The following PDCD2L variants were observed in gnomAD, a reference collection of about 807,000 sequenced individuals.
PDCD2L encodes programmed cell death 2 like, also known as uS5 assembly chaperone PDCD2L.
In PDCD2L, 44 loss-of-function variants were observed where a neutral mutation model predicts 40.4. That is an observed-to-expected ratio of 1.09 (90% confidence interval 0.86 to 1.40). The LOEUF (loss-of-function observed/expected upper bound fraction) is 1.40, where lower values mean the gene tolerates loss of function less well. PDCD2L is among the 40% of genes most tolerant of loss of function. The pLI is 0.00. For missense variants in PDCD2L, 470 were observed against 453.7 expected, an observed-to-expected ratio of 1.04 and a Z score of -0.33; for synonymous variants, 194 against 174.6, an observed-to-expected ratio of 1.11 and a Z score of -0.88.
rs2075090325 is a variant in PDCD2L at position 34,409,168 on chromosome 19, G to A, written c.344G>A (p.Gly115Glu). The A allele has an allele frequency of 6.2e-7, 1 of 1,608,366 alleles. No homozygotes were observed. Among genetic ancestry groups the A allele is most frequent in the South Asian group, 1.1e-5 (1 of 90,966 alleles). ...EREAQDAQKQ[G>E]NSLAAEDWCE... ...CACTGAGTATTTTTCCAGAAACAGG[G>A]AAACAGCCTTGCAGCTGAGGACTGG... The change falls in exon 4 of 7, where the codon GGA (glycine) becomes GAA (glutamate). Residue 115 changes from glycine (G) to glutamate (E), a missense_variant. Physicochemically the swap from Gly to Glu is moderately conservative, Grantham distance 98. Transcript: ENST00000246535.
intron 3 of PDCD2L, among the ~76,000 whole-genome samples, chr19:34,406,211 A>G (rs990357461): frequency 2.6e-5 from 4 of 152,148 alleles, no homozygotes; most frequent in Non-Finnish European, 5.9e-5. Flanking sequence ...TTAACTGTAA[A>G]TTGACAGTTT....
intron 4 of PDCD2L, among the ~76,000 whole-genome samples, chr19:34,410,721 A>G (rs2075098156): frequency 6.6e-6 from 1 of 151,906 alleles, no homozygotes; most frequent in Non-Finnish European, 1.5e-5. Context: ...GTGTTTGAAA[A>G]TAATCCTTAA....
At chr19:34,413,885 A>G (rs756905129) in intron 5 of PDCD2L, 38 bp downstream of exon 5, 1 of 1,260,850 alleles carries the variant, frequency 7.9e-7, no homozygotes, top group East Asian at 2.3e-5. Flanking sequence ...GTTTTCCTTG[A>G]TTATAAAGGA....
rs2075062431 is a variant in PDCD2L at position 34,404,488 on chromosome 19, A to C, written c.58A>C (p.Ser20Arg). ...LGLRDAPVHG[S>R]PTGPGAWTAS... Reference sequence around the variant, plus strand: ...CCTTCGAGATGCGCCGGTGCACGGCAGCCCCACAGGGCCGGGTGCCTGGAC... The same window carrying C: ...CCTTCGAGATGCGCCGGTGCACGGCCGCCCCACAGGGCCGGGTGCCTGGAC... Residue 20 changes from serine to arginine, a missense_variant, in exon 1 of 7, where the codon AGC becomes CGC. Transcript: ENST00000246535. The C allele has an allele frequency of 1.3e-6, 2 of 1,543,540 alleles. No homozygotes were observed. The highest frequency in any genetic ancestry group is 2.7e-5 in the African/African-American group (2 of 73,002).
At chr19:34,405,096 A>G in intron 3 of PDCD2L, 106 bp downstream of exon 3, 4 of 960,758 alleles carry the variant, frequency 4.2e-6, no homozygotes, top group Non-Finnish European at 5.9e-6. Flanking sequence ...AGTACACTGG[A>G]GTGTTTTTTG....
intron 5 of PDCD2L, among the ~76,000 whole-genome samples, chr19:34,414,637 T>C (rs2075119337): frequency 6.6e-6 from 1 of 151,020 alleles, no homozygotes; most frequent in African/African-American, 2.4e-5. Context: ...TACAGGCATG[T>C]ACCACCATGC....
At chr19:34,409,073 G>C (rs2075089777) in intron 3 of PDCD2L, 88 bp from the exon 4 acceptor site, 1 of 1,224,586 alleles carries the variant, frequency 8.2e-7, no homozygotes, top group Non-Finnish European at 1.2e-6. Flanking sequence ...GCTCCCTCTG[G>C]AAGGCGCGGC....
chr19:34,419,430 C>T (rs189733500), intron 5 of PDCD2L, among the ~76,000 whole-genome samples: 10 of 152,210 alleles, frequency 6.6e-5, no homozygotes, highest in Middle Eastern at 3.4e-3. Flanking sequence ...GCTGGGATTA[C>T]AGGCATGAGC....
intron 5 of PDCD2L, among the ~76,000 whole-genome samples, chr19:34,414,773 C>T (rs2075120057): frequency 6.6e-6 from 1 of 151,898 alleles, no homozygotes; most frequent in African/African-American, 2.4e-5. Context: ...GGATTACAGG[C>T]ATGAGCCACT....
chr19:34,422,799 T>C (rs1289323950), intron 6 of PDCD2L, among the ~76,000 whole-genome samples: 1 of 151,860 alleles, frequency 6.6e-6, no homozygotes, highest in Non-Finnish European at 1.5e-5. Flanking sequence ...CACTGCAAGC[T>C]CCGCCTCCCG....
chr19:34,417,607 C>CAA (rs899768526), intron 5 of PDCD2L, among the ~76,000 whole-genome samples: 1 of 107,444 alleles, frequency 9.3e-6, no homozygotes, highest in Non-Finnish European at 1.9e-5. Context: ...GGCTTTGTCT[C>CAA]AAAAAAAAAA....
At chr19:34,410,762 T>TTATATTTATTTATTTATTTATTTATTTA (rs146147218) in intron 4 of PDCD2L, among the ~76,000 whole-genome samples, 4 of 146,322 alleles carry the variant, frequency 2.7e-5, no homozygotes, top group Non-Finnish European at 4.5e-5. Flanking sequence ...ACTTTTTATT[T>TTATATTTATTTATTTATTTATTTATTTA]TTTATTTATT....
intron 5 of PDCD2L, among the ~76,000 whole-genome samples, chr19:34,416,215 C>T (rs563860466): frequency 6.6e-6 from 1 of 152,250 alleles, no homozygotes; most frequent in Admixed American, 6.5e-5. Flanking sequence ...GCCACCATGC[C>T]CGGCCTAAGA....
chr19:34,414,474 CTTTTTTTTTTTT>C (rs35413401), intron 5 of PDCD2L, among the ~76,000 whole-genome samples: 62 of 39,794 alleles, frequency 1.6e-3, no homozygotes, highest in Non-Finnish European at 2.4e-3. Context: ...CCATGCCTGG[CTTTTTTTTTTTT>C]TTTTTTTTTT....
intron 4 of PDCD2L, among the ~76,000 whole-genome samples, chr19:34,411,496 C>T (rs1360051058): frequency 1.3e-5 from 2 of 150,872 alleles, no homozygotes; most frequent in South Asian, 2.1e-4. Context: ...CCGCCCACCT[C>T]GACCTCCCAA....
At chr19:34,420,118 A>C (rs1024315875) in intron 5 of PDCD2L, among the ~76,000 whole-genome samples, 1 of 151,368 alleles carries the variant, frequency 6.6e-6, no homozygotes, top group African/African-American at 2.4e-5. Flanking sequence ...AGCCTCCCCC[A>C]CAGCTGGGAT....
intron 3 of PDCD2L, among the ~76,000 whole-genome samples, chr19:34,406,166 G>A (rs1439161110): frequency 6.6e-6 from 1 of 152,030 alleles, no homozygotes; most frequent in Non-Finnish European, 1.5e-5. Context: ...AAAGGGAGAT[G>A]GAGACTTCCT....
intron 4 of PDCD2L, among the ~76,000 whole-genome samples, chr19:34,411,803 C>T (rs375638838): frequency 1.6e-4 from 24 of 151,222 alleles, no homozygotes; most frequent in African/African-American, 5.8e-4. Flanking sequence ...TACAGGTACC[C>T]GCCACCACAC....
rs1308364726 is a variant in PDCD2L at position 34,421,583 on chromosome 19, G to A, written c.862G>A (p.Ala288Thr). ...TACATCAGAAGTCACCGAGCTCCCA[G>A]CCTGCAGCCAGTGTGGAGGCCAAAG... ...CPTSEVTELP[A>T]CSQCGGQRIF... The change falls in exon 6 of 7, where the codon GCC becomes ACC. Residue 288 changes from alanine (A) to threonine (T), a missense_variant. Coordinates refer to ENST00000246535, the MANE Select transcript of PDCD2L (RefSeq NM_032346.2). The A allele has an allele frequency of 1.9e-6, 3 of 1,613,984 alleles. No homozygotes were observed. The highest frequency in any genetic ancestry group is 2.7e-5 in the African/African-American group (2 of 74,904).
Sources: allele counts gnomAD v4.1 joint callset (sites outside exome capture counted in the v4.1 genomes callset), GRCh38; gene constraint gnomAD v4.1.1; transcripts MANE v1.5; gene names NCBI Gene and HGNC (gene_info 2026-07-23, HGNC 2026-07-21).